SEMA3F: variants seen among roughly 807,000 people sequenced by gnomAD.
SEMA3F encodes semaphorin-3F.
Under a neutral mutation model 98.5 loss-of-function variants are expected in SEMA3F, and 30 were observed. That is an observed-to-expected ratio of 0.30 (90% CI 0.23 to 0.41). The LOEUF (loss-of-function observed/expected upper bound fraction) is 0.41. SEMA3F is among the 10% of genes least tolerant of loss of function. SEMA3F has a pLI of 1.00. For missense variants in SEMA3F, 866 were observed against 1,119.3 expected (o/e 0.77, Z 3.23); for synonymous variants, 380 against 444.8 (o/e 0.85, Z 1.83).
chr3:50,181,806 G>C (rs1222339427), intron 7 of SEMA3F, among the ~76,000 whole-genome samples: 3 of 152,070 alleles, frequency 2.0e-5, no homozygotes, highest in African/African-American at 4.8e-5. Context: ...TTTTAGTATA[G>C]GTAGGGTTTC....
rs575690594 is a variant in SEMA3F at position 50,184,642 on chromosome 3, T to C, written c.1284T>C (p.Pro428=). 1 of 1,614,136 alleles carries C rather than the reference T, an allele frequency of 6.2e-7. No individual in the cohort carries two copies. Among genetic ancestry groups the C allele is most frequent in the African/African-American group, 1.3e-5 (1 of 75,046 alleles). Residue 428 remains proline (P), a synonymous_variant, in exon 13 of 19, where the codon CCT becomes CCC. Coordinates refer to ENST00000002829, the MANE Select transcript of SEMA3F (RefSeq NM_004186.5). ...TPSMKSTKDY[P]DEVINFMRSH... ...CTATGAAGTCCACCAAGGATTATCCTGATGAGGTGATCAACTTCATGCGCA... is the reference window on the plus strand; with the variant it reads ...CTATGAAGTCCACCAAGGATTATCCCGATGAGGTGATCAACTTCATGCGCA...
upstream of SEMA3F, chr3:50,155,132 G>A (rs1292559070): frequency 2.4e-6 from 1 of 413,452 alleles, no homozygotes; most frequent in Non-Finnish European, 4.4e-6. The surrounding 1 kb of genome is among the most constrained non-coding windows in gnomAD (Gnocchi z 4.9). Flanking sequence ...AGCCCCGAGC[G>A]CAGCGCAGGA....
chr3:50,185,392 C>A, intron 13 of SEMA3F, 51 bp from the exon 14 acceptor site: 1 of 1,505,596 alleles, frequency 6.6e-7, no homozygotes, highest in Non-Finnish European at 9.1e-7. Context: ...AGGCTGGTAC[C>A]CCTTCCCCAG....
rs1225256924 is a variant in SEMA3F at position 50,185,675 on chromosome 3, C to T, written c.1555C>T (p.Pro519Ser). ...EEVEVFKDPA[P>S]VKTMTISSKR... Reference sequence around the variant, plus strand: ...CTTTATCTTTTTCTAGGATCCAGCACCCGTCAAGACCATGACCATCTCTTC... The same window carrying T: ...CTTTATCTTTTTCTAGGATCCAGCATCCGTCAAGACCATGACCATCTCTTC... The change falls in exon 15 of 19, where the codon CCC becomes TCC. Residue 519 changes from proline to serine, a missense_variant. Around this residue, in one of 3 missense-constraint regions of SEMA3F, gnomAD observed 374 missense variants for 582.8 expected, o/e 0.64. Transcript: ENST00000002829. The T allele has an allele frequency of 2.5e-6, 4 of 1,614,194 alleles. No homozygotes were observed. The highest frequency in any genetic ancestry group is 3.3e-5 in the Admixed American group (2 of 60,024).
intron 7 of SEMA3F, among the ~76,000 whole-genome samples, chr3:50,180,218 T>A (rs1307134303): frequency 6.6e-6 from 1 of 152,068 alleles, no homozygotes; most frequent in Non-Finnish European, 1.5e-5. Context: ...GGCATGATCT[T>A]GGCTCACTGC....
chr3:50,182,236 G>A lies in SEMA3F; in HGVS notation c.644-48G>A. The A allele has an allele frequency of 6.2e-7, 1 of 1,613,512 alleles. No homozygotes were observed. Among genetic ancestry groups the A allele is most frequent in the Non-Finnish European group, 8.5e-7 (1 of 1,179,796 alleles). On this transcript the variant is annotated intron_variant, in intron 7 of 18. Transcript: ENST00000002829. This position sits in a 1 kb window ranked among gnomAD's most constrained non-coding sequence, Gnocchi z 4.5. ...TGGAAGTCATCTGAGCTGTGCCCTGGCCCTAGCAAACAGCAGCCCCCCAAC... is the reference window on the plus strand; with the variant it reads ...TGGAAGTCATCTGAGCTGTGCCCTGACCCTAGCAAACAGCAGCCCCCCAAC...
rs756141927 is a variant in SEMA3F at position 50,187,850 on chromosome 3, G to A, written c.2093G>A (p.Gly698Asp). Residue 698 changes from glycine to aspartate, a missense_variant, in exon 19 of 19, where the codon GGC becomes GAC. By Grantham distance (94) the Gly-to-Asp change is moderately conservative. This residue lies in a region of SEMA3F where 245 missense variants were observed against 260.5 expected (regional missense o/e 0.94). Transcript: ENST00000002829. The stretch of plus-strand genomic sequence containing the variant: ...ACACGAGTGCAGCTGCATGTACTGG[G>A]CCGGGACGCCGTCCATGCTGCCCTC... ...VVTRVQLHVL[G>D]RDAVHAALFP... 6.2e-6 allele frequency: 10 copies of A among 1,613,208 alleles called. 1 individual carries two copies. The East Asian group carries it at 1.3e-4, about 22-fold the overall frequency.
At position 50,158,622 on chromosome 3, in the gene SEMA3F, G is replaced by C. The variant is rs1698085739; in HGVS notation, c.-48-953G>C. Among the ~76,000 whole-genome samples, 1 of 152,212 alleles carries C rather than the reference G, an allele frequency of 6.6e-6. No individual in the cohort carries two copies. The highest frequency in any genetic ancestry group is 2.4e-5 in the African/African-American group (1 of 41,452). ...ACACAGGGCAGATCTGGGGGATGGG[G>C]CTCACATTTTCAGTCTCGATGCCCC... is the stretch of plus-strand genomic sequence containing the variant. On this transcript the variant is annotated intron_variant, in intron 1 of 18. Transcript: ENST00000002829. The surrounding 1 kb of genome is among the most constrained non-coding windows in gnomAD (Gnocchi z 4.8).
In SEMA3F at chr3:50,186,897, A is replaced by G. The variant is rs1575411524; in HGVS notation, c.1947+151A>G. ...GCAAATCCTTTGAGTGAAAACAGTT[A>G]CATGGAAACTCCCTGGGATTGGCCT... On this transcript the variant is annotated intron_variant, in intron 18 of 18. Transcript: ENST00000002829. 1.2e-5 allele frequency: 10 copies of G among 862,164 alleles called. No homozygotes were observed. The East Asian group carries it at 2.7e-4, about 23-fold the overall frequency. 53.4% of individuals were successfully genotyped at this position (862,164 alleles called of 1,614,324 possible). A position where few individuals can be genotyped will look rare whatever the true frequency, so the allele number is the denominator to read the frequency against.
intron 2 of SEMA3F, among the ~76,000 whole-genome samples, chr3:50,172,483 C>G (rs1698654406): frequency 6.6e-6 from 1 of 152,074 alleles, no homozygotes; most frequent in Admixed American, 6.5e-5. Flanking sequence ...TGTCCTTCAT[C>G]CTTAGGAAGG....
chr3:50,177,102 A>G (rs1048598927), intron 7 of SEMA3F, among the ~76,000 whole-genome samples: 1 of 152,238 alleles, frequency 6.6e-6, no homozygotes, highest in African/African-American at 2.4e-5. Flanking sequence ...CAAGGAAGCC[A>G]GGTCCTACCC....
At chr3:50,164,266 C>A (rs1698321514) in intron 2 of SEMA3F, among the ~76,000 whole-genome samples, 1 of 152,192 alleles carries the variant, frequency 6.6e-6, no homozygotes, top group African/African-American at 2.4e-5. Context: ...TCCCTTGGCA[C>A]TAAGTGAGGA....
At chr3:50,179,740 T>C (rs1698953515) in intron 7 of SEMA3F, among the ~76,000 whole-genome samples, 1 of 152,256 alleles carries the variant, frequency 6.6e-6, no homozygotes, top group African/African-American at 2.4e-5. Flanking sequence ...ACTTGCTACT[T>C]CACCTTGCAT....
At chr3:50,160,468 G>C (rs530551573) in intron 2 of SEMA3F, among the ~76,000 whole-genome samples, 1 of 152,196 alleles carries the variant, frequency 6.6e-6, no homozygotes, top group Non-Finnish European at 1.5e-5. Context: ...ACAGGTGCAC[G>C]CACACGGTAC....
rs1458248090 is a variant in SEMA3F, at chr3:50,158,425, A to G, written c.-48-1150A>G. ...GGCCAGGGCTGGGGGAGGTGGGTCT[A>G]GGGATGTCATCAGGGTCTAATGAGT... On this transcript the variant is annotated intron_variant, in intron 1 of 18. Coordinates refer to ENST00000002829, the MANE Select transcript of SEMA3F (RefSeq NM_004186.5). This position sits in a 1 kb window ranked among gnomAD's most constrained non-coding sequence, Gnocchi z 4.8. 6.6e-6 allele frequency among the ~76,000 whole-genome samples: 1 copy of G among 152,172 alleles called. No individual in the cohort carries two copies. Among genetic ancestry groups the G allele is most frequent in the Non-Finnish European group, 1.5e-5 (1 of 68,002 alleles).
intron 2 of SEMA3F, among the ~76,000 whole-genome samples, chr3:50,165,762 A>G (rs1332242633): frequency 6.6e-6 from 1 of 152,224 alleles, no homozygotes; most frequent in Non-Finnish European, 1.5e-5. Context: ...TGGGTGCCAG[A>G]GCTTGGCAGG....
At chr3:50,169,255 C>A (rs2109076570) in intron 2 of SEMA3F, among the ~76,000 whole-genome samples, 1 of 152,292 alleles carries the variant, frequency 6.6e-6, no homozygotes, top group Non-Finnish European at 1.5e-5. Flanking sequence ...CCTGCCCGCA[C>A]CTTTAAAGTA....
chr3:50,160,317 C>T (rs1220999341), intron 2 of SEMA3F, among the ~76,000 whole-genome samples: 2 of 152,154 alleles, frequency 1.3e-5, no homozygotes, highest in South Asian at 2.1e-4. Flanking sequence ...AGGCAGAGCA[C>T]GTGCTGCTGT....
rs781405160 is a variant in SEMA3F, at chr3:50,187,767, C to T, written c.2010C>T (p.Leu670=). The part of the protein sequence containing the change: ...EQGLLLRALQ[L]SDRGLYSCTA... The stretch of plus-strand genomic sequence containing the variant: ...GCTTGTTGCTCCGTGCACTGCAGCT[C>T]AGCGATCGTGGCCTCTACTCCTGCA... Residue 670 remains leucine, a synonymous_variant, in exon 19 of 19, where the codon CTC becomes CTT. Transcript: ENST00000002829. The T allele has an allele frequency of 6.2e-7, 1 of 1,613,242 alleles. No homozygotes were observed. The highest frequency in any genetic ancestry group is 2.2e-5 in the East Asian group (1 of 44,868).
Sources: gnomAD v4.1 joint callset for allele counts (sites outside exome capture counted in the v4.1 genomes callset) on GRCh38, gnomAD v4.1.1 for gene constraint, gnomAD v4.1.1 regional missense constraint, Gnocchi (gnomAD v3.1) non-coding constraint, MANE v1.5 for transcripts, NCBI Gene and HGNC (gene_info 2026-07-23, HGNC 2026-07-21) for gene names.